Variants in CYREN observed in about 807,000 individuals in gnomAD.
CYREN encodes the protein cell cycle regulator of NHEJ.
CYREN carries 7 observed loss-of-function variants against 9.7 expected under a neutral mutation model. The ratio of observed to expected loss-of-function variants is 0.72; its 90% CI spans 0.41 to 1.36. The LOEUF (loss-of-function observed/expected upper bound fraction) is 1.36. Among genes scored for constraint, CYREN ranks in the 40% most tolerant of loss-of-function variants. CYREN has a pLI of 0.01. For missense variants in CYREN, 215 were observed against 198.1 expected (o/e 1.09, Z -0.51); for synonymous variants, 76 against 77.9 (o/e 0.98, Z 0.13).
intron 2 of CYREN, among the ~76,000 whole-genome samples, chr7:135,119,716 A>C (rs2117229627): frequency 6.6e-6 from 1 of 152,204 alleles, no homozygotes; most frequent in Admixed American, 6.5e-5. Context: ...TCTCTACTAA[A>C]AATACAAAAA....
intron 2 of CYREN, among the ~76,000 whole-genome samples, chr7:135,142,519 T>G (rs2117399494): frequency 6.6e-6 from 1 of 152,120 alleles, no homozygotes; most frequent in East Asian, 1.9e-4. Context: ...CCTGTGTAGC[T>G]CAAGGGTCAA....
chr7:135,143,509 C>T (rs1829489397), intron 2 of CYREN, among the ~76,000 whole-genome samples: 1 of 152,064 alleles, frequency 6.6e-6, no homozygotes, highest in South Asian at 2.1e-4. Flanking sequence ...AAATGCAATA[C>T]TATAAATCTG....
At chr7:135,119,196 A>T (rs1826759398) in intron 2 of CYREN, among the ~76,000 whole-genome samples, 1 of 152,018 alleles carries the variant, frequency 6.6e-6, no homozygotes, top group African/African-American at 2.4e-5. Flanking sequence ...AATAGGATAC[A>T]CCCAAAGAAA....
chr7:135,148,252 G>A, intron 2 of CYREN: 1 of 385,220 alleles, frequency 2.6e-6, no homozygotes, highest in Non-Finnish European at 5.1e-6. Context: ...TGTTCCTGTG[G>A]TCTCTGCACC....
chr7:135,097,596 C>T (rs1449470831), intron 2 of CYREN, among the ~76,000 whole-genome samples: 2 of 152,086 alleles, frequency 1.3e-5, no homozygotes, highest in African/African-American at 4.8e-5. Flanking sequence ...AAATGTCTTC[C>T]ATATGTTGTA....
chr7:135,170,851 G>A (rs1830616872), upstream of CYREN: 1 of 152,212 alleles, frequency 6.6e-6, no homozygotes, highest in South Asian at 2.1e-4. Flanking sequence ...GCCTCAGTCG[G>A]AGGTCCGCGG....
chr7:135,143,231 A>G (rs1829484930), intron 2 of CYREN, among the ~76,000 whole-genome samples: 1 of 152,206 alleles, frequency 6.6e-6, no homozygotes, highest in South Asian at 2.1e-4. Context: ...CTATAGAGGT[A>G]CAATAATCAA....
downstream of CYREN, among the ~76,000 whole-genome samples, chr7:135,164,104 A>G (rs1046042727): frequency 4.6e-5 from 7 of 152,246 alleles, no homozygotes; most frequent in African/African-American, 7.2e-5. Context: ...AATGTTTCCA[A>G]TGGCTTGTTG....
chr7:135,158,746 T>C (rs756939541), intron 2 of CYREN, among the ~76,000 whole-genome samples: 2 of 152,014 alleles, frequency 1.3e-5, no homozygotes, highest in Non-Finnish European at 2.9e-5. Flanking sequence ...TCTGTCTCAA[T>C]AGCAGCCCAC....
intron 2 of CYREN, among the ~76,000 whole-genome samples, chr7:135,150,566 G>A (rs981831022): frequency 1.3e-5 from 2 of 152,150 alleles, no homozygotes; most frequent in African/African-American, 4.8e-5. Context: ...GTGGCAAATT[G>A]CCTTTGTAAT....
At chr7:135,143,362 A>G (rs1208922401) in intron 2 of CYREN, among the ~76,000 whole-genome samples, 1 of 152,178 alleles carries the variant, frequency 6.6e-6, no homozygotes, top group Non-Finnish European at 1.5e-5. Flanking sequence ...ATACAATGAA[A>G]CAAAGATAGT....
rs561429108 is a variant in CYREN at position 135,157,441 on chromosome 7, G to C, written n.356+11308C>G. Among the ~76,000 whole-genome samples, 3 of 152,346 alleles carry C rather than the reference G, an allele frequency of 2.0e-5. No individual in the cohort carries two copies. The South Asian group carries it at 6.2e-4, about 32-fold the overall frequency. On this transcript the variant is annotated intron_variant and non_coding_transcript_variant, in intron 2 of 2. Transcript: ENST00000459937. ...CTTGGATGCCAACTGAGCAGCCTTTGGACCCCAGTGGTGGCAACAGTGGGG... is the reference window on the plus strand; with the variant it reads ...CTTGGATGCCAACTGAGCAGCCTTTCGACCCCAGTGGTGGCAACAGTGGGG...
chr7:135,123,218 G>A (rs189277564), intron 2 of CYREN, among the ~76,000 whole-genome samples: 100 of 152,232 alleles, frequency 6.6e-4, no homozygotes, highest in African/African-American at 2.2e-3. Context: ...TGGTGGAGCT[G>A]AAAAACAGCA....
At chr7:135,165,016 A>G (rs201469043), downstream of CYREN, 311 of 1,557,776 alleles carry the variant, frequency 2.0e-4, no homozygotes, top group African/African-American at 3.9e-3. Context: ...ACGTGATTGC[A>G]AGGGTTCAGT....
chr7:135,154,480 G>A (rs2117437093), intron 2 of CYREN, among the ~76,000 whole-genome samples: 1 of 152,232 alleles, frequency 6.6e-6, no homozygotes, highest in South Asian at 2.1e-4. Flanking sequence ...CTTTTTTGAT[G>A]TAGGCATTTA....
intron 2 of CYREN, among the ~76,000 whole-genome samples, chr7:135,157,160 T>G (rs1005109199): frequency 6.6e-6 from 1 of 152,264 alleles, no homozygotes; most frequent in Non-Finnish European, 1.5e-5. Context: ...ATGTTTCCTG[T>G]ATCCTTCCAT....
downstream of CYREN, among the ~76,000 whole-genome samples, chr7:135,161,527 AC>A (rs1411677343): frequency 1.3e-5 from 2 of 152,172 alleles, no homozygotes. The surrounding 1 kb of genome is among the most constrained non-coding windows in gnomAD (Gnocchi z 4.1). Flanking sequence ...AAATACCCAA[AC>A]CCATTAAAAG....
downstream of CYREN, chr7:135,164,537 T>C (rs766637077): frequency 3.9e-5 from 63 of 1,614,028 alleles, no homozygotes; most frequent in Non-Finnish European, 5.3e-5. Flanking sequence ...TTTACGCTCT[T>C]CTCTGGGAGG....
At chr7:135,109,341 C>T (rs1825259719) in intron 2 of CYREN, among the ~76,000 whole-genome samples, 1 of 152,212 alleles carries the variant, frequency 6.6e-6, no homozygotes, top group African/African-American at 2.4e-5. Context: ...CAACCCACCT[C>T]TCCCACTGAG....
Sources: allele counts gnomAD v4.1 joint callset (sites outside exome capture counted in the v4.1 genomes callset), GRCh38; gene constraint gnomAD v4.1.1; non-coding constraint Gnocchi (gnomAD v3.1); transcripts MANE v1.5; gene names NCBI Gene and HGNC (gene_info 2026-07-23, HGNC 2026-07-21).